Variants in NAA11 observed in about 807,000 individuals in gnomAD.
The protein encoded by NAA11 is N-alpha-acetyltransferase 11.
NAA11 carries 15 observed loss-of-function variants against 16.1 expected under a neutral mutation model. The observed-to-expected ratio is 0.93, with a 90% CI of 0.62 to 1.44. The LOEUF (loss-of-function observed/expected upper bound fraction) is 1.44. Ranked by LOEUF, NAA11 falls within the 40% of genes most tolerant of loss-of-function variation. The probability of loss-of-function intolerance (pLI) is 0.00; values close to 1 mark genes in which losing one functional copy is unlikely to be tolerated. For missense variants in NAA11, 298 were observed against 291.3 expected (o/e 1.02, Z -0.17); for synonymous variants, 122 against 112.4 (o/e 1.09, Z -0.54).
intron 2 of NAA11, among the ~76,000 whole-genome samples, chr4:79,239,485 G>A (rs1461112934): frequency 2.6e-5 from 4 of 152,094 alleles, no homozygotes; most frequent in Non-Finnish European, 5.9e-5. Context: ...TGGATCACTC[G>A]AGGCTAAGAA....
intron 2 of NAA11, among the ~76,000 whole-genome samples, chr4:79,267,913 TC>T (rs1486457111): frequency 1.3e-5 from 2 of 152,110 alleles, no homozygotes; most frequent in Non-Finnish European, 1.5e-5. Context: ...GCATGCCATA[TC>T]ATGCCAGCCT....
intron 2 of NAA11, among the ~76,000 whole-genome samples, chr4:79,234,978 A>G (rs547317757): frequency 2.5e-4 from 38 of 152,120 alleles, no homozygotes; most frequent in Non-Finnish European, 5.1e-4. Context: ...GTAACTATCT[A>G]TATGAAGAGT....
chr4:79,206,105 T>A, the NAA11 span, among the ~76,000 whole-genome samples: 3 of 152,116 alleles, frequency 2.0e-5, no homozygotes, highest in Admixed American at 1.3e-4. Context: ...TCTCTTTTGT[T>A]TCCACATGGA....
chr4:79,207,554 A>C, the NAA11 span, among the ~76,000 whole-genome samples: 2 of 152,088 alleles, frequency 1.3e-5, no homozygotes, highest in Non-Finnish European at 2.9e-5. Context: ...GCCTGCTGGC[A>C]TGGTAATCTT....
chr4:79,229,525 T>C (rs946123188), intron 2 of NAA11, among the ~76,000 whole-genome samples: 1 of 151,948 alleles, frequency 6.6e-6, no homozygotes, highest in Non-Finnish European at 1.5e-5. Flanking sequence ...TTAAGATTAG[T>C]CAATGAATTC....
chr4:79,258,576 G>GC lies in NAA11; in HGVS notation c.*123-32307_*123-32306insG, dbSNP rs1367493469. On this transcript the variant is annotated intron_variant and NMD_transcript_variant, in intron 2 of 2. Transcript: ENST00000511542. The stretch of plus-strand genomic sequence containing the variant: ...TGATGAGCATAGGAGGGAAGCTGAT[G>GC]GAGGAACTGAGGGTAGCTTGGTGCT... Among the ~76,000 whole-genome samples the GC allele has an allele frequency of 2.0e-5, 3 of 152,224 alleles. No homozygotes were observed. The East Asian group carries it at 5.8e-4, about 29-fold the overall frequency.
chr4:79,239,541 A>G (rs1380844575), intron 2 of NAA11, among the ~76,000 whole-genome samples: 2 of 152,096 alleles, frequency 1.3e-5, no homozygotes, highest in Non-Finnish European at 2.9e-5. Context: ...CCTACTAAAG[A>G]AAAATACTAA....
chr4:79,313,606 C>T (rs1460495700), downstream of NAA11, among the ~76,000 whole-genome samples: 7 of 152,148 alleles, frequency 4.6e-5, no homozygotes, highest in Non-Finnish European at 1.0e-4. Flanking sequence ...TTCCCCAGAA[C>T]TTCACAAAAC....
chr4:79,323,951 C>A (rs956323210), intron 1 of NAA11, among the ~76,000 whole-genome samples: 1 of 151,300 alleles, frequency 6.6e-6, no homozygotes. Context: ...TGCAGTGAGC[C>A]GAGATCGCGC....
chr4:79,250,156 T>C (rs1194308721), intron 2 of NAA11, among the ~76,000 whole-genome samples: 3 of 152,258 alleles, frequency 2.0e-5, no homozygotes, highest in Non-Finnish European at 4.4e-5. Context: ...ACCAGGGCCT[T>C]GGGTCTGAGG....
At chr4:79,323,353 T>TA (rs1277000702) in intron 1 of NAA11, among the ~76,000 whole-genome samples, 3 of 152,192 alleles carry the variant, frequency 2.0e-5, no homozygotes, top group Non-Finnish European at 4.4e-5. Flanking sequence ...CTTTAAAACT[T>TA]AGTTTCAGTG....
chr4:79,277,860 C>T (rs1039178986), intron 2 of NAA11, among the ~76,000 whole-genome samples: 4 of 151,884 alleles, frequency 2.6e-5, no homozygotes, highest in South Asian at 2.1e-4. Flanking sequence ...TCCAAGTGTG[C>T]GCTCACCATT....
At chr4:79,225,610 T>C (rs1417309560), downstream of NAA11, 1 of 152,064 alleles carries the variant, frequency 6.6e-6, no homozygotes, top group Non-Finnish European at 1.5e-5. Context: ...AATTATGGGT[T>C]TAAGAGAAGA....
At chr4:79,279,481 G>A (rs1722738158) in intron 2 of NAA11, among the ~76,000 whole-genome samples, 1 of 152,072 alleles carries the variant, frequency 6.6e-6, no homozygotes, top group Admixed American at 6.6e-5. Context: ...CTCTGATCTT[G>A]AGGAGCTTAT....
At chr4:79,251,984 A>G (rs1034005478) in intron 2 of NAA11, among the ~76,000 whole-genome samples, 9 of 141,874 alleles carry the variant, frequency 6.3e-5, no homozygotes, top group Non-Finnish European at 1.5e-5. Context: ...AATGCGGTAT[A>G]TATTCACCAT....
intron 2 of NAA11, among the ~76,000 whole-genome samples, chr4:79,254,460 T>C (rs778440727): frequency 3.5e-4 from 54 of 152,314 alleles, no homozygotes; most frequent in Non-Finnish European, 3.5e-4. Context: ...TAATCTAGTT[T>C]GTATAACATA....
chr4:79,237,228 T>G (rs1045315412), intron 2 of NAA11, among the ~76,000 whole-genome samples: 1 of 152,196 alleles, frequency 6.6e-6, no homozygotes, highest in Admixed American at 6.5e-5. Flanking sequence ...ATGAGGTTTC[T>G]GGTGATTACA....
chr4:79,253,401 G>A (rs577294724), intron 2 of NAA11, among the ~76,000 whole-genome samples: 19 of 152,334 alleles, frequency 1.2e-4, no homozygotes, highest in African/African-American at 4.6e-4. Flanking sequence ...GACAAGATTA[G>A]ATGACCAAAG....
At chr4:79,277,194 C>A (rs1054700488) in intron 2 of NAA11, among the ~76,000 whole-genome samples, 1 of 152,060 alleles carries the variant, frequency 6.6e-6, no homozygotes. Flanking sequence ...TAAATGACCC[C>A]TTTACAGGAT....
Sources: gnomAD v4.1 joint callset for allele counts (sites outside exome capture counted in the v4.1 genomes callset) on GRCh38, gnomAD v4.1.1 for gene constraint, MANE v1.5 for transcripts, NCBI Gene and HGNC (gene_info 2026-07-23, HGNC 2026-07-21) for gene names.